Variants in PTPN3 observed in about 807,000 individuals in gnomAD.
The protein encoded by PTPN3 is protein tyrosine phosphatase non-receptor type 3.
A neutral mutation model predicts 132.7 loss-of-function variants in PTPN3; 96 were observed. The ratio of observed to expected loss-of-function variants is 0.72; its 90% confidence interval spans 0.61 to 0.86. The LOEUF is 0.86. PTPN3 is among the 40% of genes least tolerant of loss of function. The probability of loss-of-function intolerance (pLI) is 0.00; values close to 1 mark genes in which losing one functional copy is unlikely to be tolerated. For missense variants in PTPN3, 1,125 were observed against 1,159.6 expected, an observed-to-expected ratio of 0.97 and a Z score of 0.43; for synonymous variants, 398 against 429.0, an observed-to-expected ratio of 0.93 and a Z score of 0.89.
At chr9:109,491,757 G>A (rs1847471944) in intron 1 of PTPN3, among the ~76,000 whole-genome samples, 1 of 152,334 alleles carries the variant, frequency 6.6e-6, no homozygotes, top group Non-Finnish European at 1.5e-5. Flanking sequence ...GAGACCCACA[G>A]GATGAAGTAA....
At chr9:109,471,657 T>C (rs1443552465) in intron 1 of PTPN3, among the ~76,000 whole-genome samples, 1 of 143,874 alleles carries the variant, frequency 7.0e-6, no homozygotes, top group East Asian at 2.0e-4. Flanking sequence ...GTTTTACTTG[T>C]CATATGGAAG....
At position 109,376,334 on chromosome 9, in the gene PTPN3, C is replaced by T. The variant is rs550785158; in HGVS notation, c.*3222G>A. 5 of 152,262 alleles carry T rather than the reference C, an allele frequency of 3.3e-5. No individual in the cohort carries two copies. In the South Asian group the frequency reaches 1.0e-3, roughly 32 times the overall value. The allele number at this position is 152,262 out of a possible 1,614,324, so 9.4% of individuals were successfully genotyped here. ...CTGGAGGATGAAGAGGGCTTTTTCGCTTGCCCTCAAATGCTCATTTCTGAG... is the reference window on the plus strand; with the variant it reads ...CTGGAGGATGAAGAGGGCTTTTTCGTTTGCCCTCAAATGCTCATTTCTGAG... On this transcript the variant is annotated 3_prime_UTR_variant, in exon 26 of 26. Transcript: ENST00000374541.
intron 19 of PTPN3, among the ~76,000 whole-genome samples, chr9:109,395,779 CCTGTCTGTGTGTGT>C (rs1422911954): frequency 6.6e-6 from 1 of 151,410 alleles, no homozygotes; most frequent in Non-Finnish European, 1.5e-5. Context: ...AGAGGAAGAC[CCTGTCTGTGTGTGT>C]CTGTCTGTGT....
chr9:109,487,087 C>G (rs953155024), intron 1 of PTPN3, among the ~76,000 whole-genome samples: 1 of 152,126 alleles, frequency 6.6e-6, no homozygotes, highest in African/African-American at 2.4e-5. Flanking sequence ...ATGATCAGGC[C>G]GGAGACACAG....
At chr9:109,444,793 T>C (rs1214468076) in intron 7 of PTPN3, among the ~76,000 whole-genome samples, 1 of 152,194 alleles carries the variant, frequency 6.6e-6, no homozygotes, top group Non-Finnish European at 1.5e-5. Flanking sequence ...AGTAGTGTTT[T>C]AGAGTAGCAC....
the PTPN3 span, among the ~76,000 whole-genome samples, chr9:109,522,119 C>T: frequency 3.1e-4 from 47 of 152,248 alleles, no homozygotes; most frequent in Non-Finnish European, 5.4e-4. Flanking sequence ...AAAGTGTGGA[C>T]GGCAGACCAT....
chr9:109,489,609 G>A (rs913943498), intron 1 of PTPN3, among the ~76,000 whole-genome samples: 1 of 152,122 alleles, frequency 6.6e-6, no homozygotes, highest in Non-Finnish European at 1.5e-5. Context: ...ATAAATTCTA[G>A]TTGCACTGTT....
the PTPN3 span, among the ~76,000 whole-genome samples, chr9:109,509,458 C>T: frequency 2.0e-5 from 3 of 152,328 alleles, no homozygotes; most frequent in African/African-American, 4.8e-5. Context: ...TAGATTCTCA[C>T]TTTAACACAT....
the PTPN3 span, among the ~76,000 whole-genome samples, chr9:109,515,605 C>T: frequency 6.6e-6 from 1 of 152,092 alleles, no homozygotes; most frequent in African/African-American, 2.4e-5. Flanking sequence ...TTTTTTGGCT[C>T]ATGGTTCTGC....
intron 9 of PTPN3, 100 bp from the exon 10 acceptor site, chr9:109,433,261 T>C (rs1362369856): frequency 4.7e-6 from 7 of 1,481,098 alleles, no homozygotes; most frequent in Non-Finnish European, 6.3e-6. Flanking sequence ...GTCATATGTA[T>C]AGGCTCCAAA....
At chr9:109,455,552 G>C (rs182337022) in intron 4 of PTPN3, among the ~76,000 whole-genome samples, 13 of 152,176 alleles carry the variant, frequency 8.5e-5, no homozygotes, top group Non-Finnish European at 5.9e-5. Flanking sequence ...CCTAACGGGG[G>C]TGTGCCCCTG....
intron 19 of PTPN3, among the ~76,000 whole-genome samples, chr9:109,394,678 G>A (rs528256845): frequency 6.6e-6 from 1 of 152,088 alleles, no homozygotes; most frequent in Admixed American, 6.5e-5. Flanking sequence ...ATTATACAAT[G>A]AATAATTTAT....
chr9:109,383,038 C>T (rs1211323248), intron 23 of PTPN3, among the ~76,000 whole-genome samples: 1 of 152,218 alleles, frequency 6.6e-6, no homozygotes, highest in African/African-American at 2.4e-5. Flanking sequence ...AGGCACTTCA[C>T]AGAAGTTGAA....
chr9:109,520,361 C>T, the PTPN3 span, among the ~76,000 whole-genome samples: 1 of 152,080 alleles, frequency 6.6e-6, no homozygotes, highest in African/African-American at 2.4e-5. Flanking sequence ...AAATGTGCCT[C>T]TACATCATGG....
At chr9:109,431,142 G>A (rs887762519) in intron 10 of PTPN3, among the ~76,000 whole-genome samples, 1 of 152,250 alleles carries the variant, frequency 6.6e-6, no homozygotes, top group African/African-American at 2.4e-5. Context: ...TGATGTTGAA[G>A]GGTGAGGGAG....
In PTPN3 at chr9:109,445,292, C is replaced by T. The variant is rs139361478; in HGVS notation, c.414G>A (p.Arg138=). 34 of 1,612,896 alleles carry T rather than the reference C, an allele frequency of 2.1e-5. No individual in the cohort carries two copies. Among genetic ancestry groups the T allele is most frequent in the Non-Finnish European group, 2.9e-5 (34 of 1,179,002 alleles). Residue 138 remains arginine, a splice_region_variant and synonymous_variant, in exon 7 of 26, where the codon AGG becomes AGA. Transcript: ENST00000374541. ...LQLKMDICEG[R]LTCPLNSAVV... is the part of the protein sequence containing the mutation. ...CTGCTGAGTTAAGAGGGCAGGTTAA[C>T]CTGTCAGGAGAAAAACATATTAGCA...
intron 6 of PTPN3, among the ~76,000 whole-genome samples, chr9:109,446,924 G>A (rs1350642407): frequency 7.2e-6 from 1 of 138,340 alleles, no homozygotes; most frequent in African/African-American, 2.6e-5. Context: ...CTTGAGTGCC[G>A]GCTACCATGG....
At chr9:109,536,170 A>G in the PTPN3 span, among the ~76,000 whole-genome samples, 1 of 152,228 alleles carries the variant, frequency 6.6e-6, no homozygotes, top group Non-Finnish European at 1.5e-5. Context: ...TTCAAGGTTC[A>G]TCCACATGGT....
intron 1 of PTPN3, among the ~76,000 whole-genome samples, chr9:109,472,535 G>A (rs963644455): frequency 4.6e-5 from 7 of 152,224 alleles, no homozygotes; most frequent in African/African-American, 1.4e-4. Flanking sequence ...TTTGTGAAAT[G>A]CCCAAATATC....
Sources: allele counts gnomAD v4.1 joint callset (sites outside exome capture counted in the v4.1 genomes callset), GRCh38; gene constraint gnomAD v4.1.1; transcripts MANE v1.5; gene names NCBI Gene and HGNC (gene_info 2026-07-23, HGNC 2026-07-21).